The following ZFPM1 variants were observed in gnomAD, a reference collection of about 807,000 sequenced individuals.
The protein encoded by ZFPM1 is zinc finger protein ZFPM1.
In ZFPM1, 28 loss-of-function variants were observed where a neutral mutation model predicts 46.3. The ratio of observed to expected loss-of-function variants is 0.60; its 90% CI spans 0.45 to 0.83. The LOEUF (loss-of-function observed/expected upper bound fraction) is 0.83, where lower values mean the gene tolerates loss of function less well. ZFPM1 is among the 40% of genes least tolerant of loss of function. The pLI is 0.00. For synonymous variants in ZFPM1, 957 were observed against 675.9 expected (o/e 1.42, Z -6.45); for missense variants, 1,878 against 1,432.4 (o/e 1.31, Z -5.02).
At chr16:88,504,378 G>A (rs1265689490) in intron 3 of ZFPM1, among the ~76,000 whole-genome samples, 3 of 152,126 alleles carry the variant, frequency 2.0e-5, no homozygotes, top group African/African-American at 7.2e-5. Flanking sequence ...GGTCCCCAAA[G>A]ACCAGACTAC....
rs908507119 is a variant in ZFPM1 at position 88,480,120 on chromosome 16, G to A, written c.41-5819G>A. ...CCCTGTGCCAGCCTCAGCTCCTGCT[G>A]TTCCTTTCTCCTGGAGCGCTTTTCC... On this transcript the variant is annotated intron_variant, in intron 1 of 9. Transcript: ENST00000319555. This position sits in a 1 kb window ranked among gnomAD's most constrained non-coding sequence, Gnocchi z 4.9. Among the ~76,000 whole-genome samples the A allele has an allele frequency of 6.6e-6, 1 of 151,964 alleles. No homozygotes were observed. Among genetic ancestry groups the A allele is most frequent in the African/African-American group, 2.4e-5 (1 of 41,330 alleles).
intron 3 of ZFPM1, among the ~76,000 whole-genome samples, chr16:88,501,622 ATAGTGGG>A (rs1191329623): frequency 1.5e-4 from 17 of 115,746 alleles, no homozygotes; most frequent in Admixed American, 2.7e-4. Context: ...GATGATGGAG[ATAGTGGG>A]CCTGGGTGCG....
Position 88,535,547 on chromosome 16 carries a change from C to G in ZFPM1, c.*568C>G, listed in dbSNP as rs1158564739. ...ATGTCCCCCATCCAGTCACAGACCA[C>G]CAGGGATGGCAGGGGTGGGGGCGCC... is the stretch of plus-strand genomic sequence containing the variant. On this transcript the variant is annotated 3_prime_UTR_variant, in exon 10 of 10. Transcript: ENST00000319555. The G allele has an allele frequency of 6.6e-6, 1 of 152,502 alleles. No homozygotes were observed. The highest frequency in any genetic ancestry group is 2.1e-4 in the South Asian group (1 of 4,836). 9.4% of individuals were successfully genotyped at this position (152,502 alleles called of 1,614,324 possible). A position where few individuals can be genotyped will look rare whatever the true frequency, so the allele number is the denominator to read the frequency against.
intron 3 of ZFPM1, 44 bp from the exon 4 acceptor site, chr16:88,514,343 G>T: frequency 6.4e-7 from 1 of 1,550,838 alleles, no homozygotes. Flanking sequence ...GGCTGGACAG[G>T]CCCCAGACCG....
chr16:88,493,889 G>A (rs111424579), intron 3 of ZFPM1, among the ~76,000 whole-genome samples: 1,908 of 152,260 alleles, frequency 0.013, 39 homozygotes, highest in African/African-American at 0.043. Flanking sequence ...CTTTGCTCTC[G>A]AGCGCCACGG....
intron 3 of ZFPM1, among the ~76,000 whole-genome samples, chr16:88,504,652 G>C (rs993793267): frequency 1.2e-4 from 19 of 152,108 alleles, no homozygotes; most frequent in Non-Finnish European, 2.4e-4. Flanking sequence ...GAGGGACATG[G>C]CCCCCCTGTG....
At chr16:88,515,506 A>G (rs1665282343) in intron 4 of ZFPM1, among the ~76,000 whole-genome samples, 3 of 152,224 alleles carry the variant, frequency 2.0e-5, no homozygotes, top group Admixed American at 2.0e-4. Context: ...AGACCCTGAG[A>G]GGGGGCGTGG....
intron 3 of ZFPM1, among the ~76,000 whole-genome samples, chr16:88,496,663 A>G (rs992802601): frequency 2.0e-5 from 3 of 151,888 alleles, no homozygotes; most frequent in African/African-American, 7.3e-5. Flanking sequence ...GAGAGAAAGC[A>G]ACAGAGAGGG....
chr16:88,526,154 C>T (rs1039770282), intron 4 of ZFPM1, among the ~76,000 whole-genome samples: 1 of 152,246 alleles, frequency 6.6e-6, no homozygotes, highest in Non-Finnish European at 1.5e-5. Flanking sequence ...CTGCTGAGTC[C>T]ACCAGGTGCT....
chr16:88,478,046 G>A (rs73257668), intron 1 of ZFPM1, among the ~76,000 whole-genome samples: 2,738 of 152,318 alleles, frequency 0.018, 73 homozygotes, highest in African/African-American at 0.061. Flanking sequence ...GGCAGGGTGT[G>A]TGGGAGCTCT....
chr16:88,492,496 G>A (rs1287802171), intron 3 of ZFPM1, among the ~76,000 whole-genome samples: 1 of 152,220 alleles, frequency 6.6e-6, no homozygotes, highest in Non-Finnish European at 1.5e-5. Context: ...ACTGGGCCCT[G>A]AGTCTGTTTC....
chr16:88,478,160 C>T (rs914517257), intron 1 of ZFPM1, among the ~76,000 whole-genome samples: 2 of 152,150 alleles, frequency 1.3e-5, no homozygotes, highest in Non-Finnish European at 2.9e-5. Flanking sequence ...GTGTCTGGGC[C>T]CAGAAGGCAC....
Position 88,489,023 on chromosome 16 carries a change from C to T in ZFPM1, c.146-8C>T, listed in dbSNP as rs368863087. On this transcript the variant is annotated splice_polypyrimidine_tract_variant and splice_region_variant and intron_variant, in intron 2 of 9. Coordinates refer to ENST00000319555, the MANE Select transcript of ZFPM1 (RefSeq NM_153813.3). ...AGCAGGGATGTGACGGTGTTTTCCT[C>T]TCTGCAGATGTTAACTCACCCCCAC... 6 of 1,611,204 alleles carry T rather than the reference C, an allele frequency of 3.7e-6. No homozygotes were observed. The highest frequency in any genetic ancestry group is 5.1e-6 in the Non-Finnish European group (6 of 1,178,738).
At position 88,534,581 on chromosome 16, in the gene ZFPM1, C is replaced by T; in HGVS notation, c.2623C>T (p.Leu875=). 3 of 1,284,826 alleles carry T rather than the reference C, an allele frequency of 2.3e-6. No individual in the cohort carries two copies. The highest frequency in any genetic ancestry group is 2.0e-6 in the Non-Finnish European group (2 of 1,014,706). The allele number at this position is 1,284,826 out of a possible 1,614,324, so 79.6% of individuals were successfully genotyped here. The part of the protein sequence containing the change: ...VRGDLLEHFR[L]AHGLLLGAPL... Reference sequence around the variant, plus strand: ...CGGGGACCTGCTGGAGCATTTCCGCCTGGCGCACGGCCTGCTGCTCGGCGC... The same window carrying T: ...CGGGGACCTGCTGGAGCATTTCCGCTTGGCGCACGGCCTGCTGCTCGGCGC... The change falls in exon 10 of 10, where the codon CTG becomes TTG. Residue 875 remains leucine, a synonymous_variant. Coordinates refer to ENST00000319555, the MANE Select transcript of ZFPM1 (RefSeq NM_153813.3).
At chr16:88,526,301 T>A (rs951584793) in intron 4 of ZFPM1, among the ~76,000 whole-genome samples, 10 of 152,306 alleles carry the variant, frequency 6.6e-5, no homozygotes, top group African/African-American at 1.9e-4. Flanking sequence ...TGCCGTATCT[T>A]CTGGGCTAAT....
Position 88,497,392 on chromosome 16 carries a change from G to A in ZFPM1, c.268+8239G>A, listed in dbSNP as rs1005565399. Among the ~76,000 whole-genome samples the A allele has an allele frequency of 2.0e-5, 3 of 151,332 alleles. No homozygotes were observed. The highest frequency in any genetic ancestry group is 4.9e-5 in the African/African-American group (2 of 41,036). ...AGTGGTGGCTGGAACATCAGGGCCC[G>A]GGCGGGGATGGGGTTCAGAGGGGTC... On this transcript the variant is annotated intron_variant, in intron 3 of 9. Coordinates refer to ENST00000319555, the MANE Select transcript of ZFPM1 (RefSeq NM_153813.3). This position sits in a 1 kb window ranked among gnomAD's most constrained non-coding sequence, Gnocchi z 5.4.
At position 88,534,999 on chromosome 16, in the gene ZFPM1, A is replaced by T. The variant is rs747988927; in HGVS notation, c.*20A>T. On this transcript the variant is annotated 3_prime_UTR_variant, in exon 10 of 10. Coordinates refer to ENST00000319555, the MANE Select transcript of ZFPM1 (RefSeq NM_153813.3). Reference sequence around the variant, plus strand: ...AAGTGAGCGCCCACACTACAGCCGCAGACGCTTTGCACGCCCCGCTGCGAT... The same window carrying T: ...AAGTGAGCGCCCACACTACAGCCGCTGACGCTTTGCACGCCCCGCTGCGAT... The T allele has an allele frequency of 3.6e-6, 5 of 1,382,412 alleles. No homozygotes were observed. Among genetic ancestry groups the T allele is most frequent in the East Asian group, 2.8e-5 (1 of 35,832 alleles). 85.6% of individuals were successfully genotyped at this position (1,382,412 alleles called of 1,614,324 possible).
chr16:88,521,205 T>C (rs35380400), intron 4 of ZFPM1, among the ~76,000 whole-genome samples: 54,068 of 151,512 alleles, frequency 0.36, 10,046 homozygotes, highest in East Asian at 0.46. Flanking sequence ...CTGTGCTGTT[T>C]CCCACTGCCA....
Position 88,533,922 on chromosome 16 carries a change from AGGACGGCGC to A in ZFPM1, c.1967_1975del (p.Asp656_Ala658del). 8.3e-7 allele frequency: 1 copy of A among 1,210,914 alleles called. No homozygotes were observed. The highest frequency in any genetic ancestry group is 1.0e-6 in the Non-Finnish European group (1 of 956,306). The allele number at this position is 1,210,914 out of a possible 1,614,324, so 75.0% of individuals were successfully genotyped here. A position where few individuals can be genotyped will look rare whatever the true frequency, so the allele number is the denominator to read the frequency against. ...GGGGCTGGGGGCGCGGCCACGCCCG[AGGACGGCGC>A]GGGCGGCCGGGGCAGCGAGGGCAGC... On this transcript the variant is annotated inframe_deletion, in exon 10 of 10. Transcript: ENST00000319555.
Sources: allele counts gnomAD v4.1 joint callset (sites outside exome capture counted in the v4.1 genomes callset), GRCh38; gene constraint gnomAD v4.1.1; non-coding constraint Gnocchi (gnomAD v3.1); transcripts MANE v1.5; gene names NCBI Gene and HGNC (gene_info 2026-07-23, HGNC 2026-07-21).